Variants in ZSCAN5A observed in about 807,000 individuals in gnomAD.
ZSCAN5A encodes the protein zinc finger and SCAN domain containing 5A.
Under a neutral mutation model 23.7 loss-of-function variants are expected in ZSCAN5A, and 12 were observed. That is an observed-to-expected ratio of 0.51 (90% CI 0.32 to 0.82). The LOEUF (loss-of-function observed/expected upper bound fraction) is 0.82. Among genes scored for constraint, ZSCAN5A ranks in the 40% least tolerant of loss-of-function variants. The pLI, the probability that ZSCAN5A is intolerant of heterozygous loss-of-function variation, is 0.03. For missense variants in ZSCAN5A, 597 were observed against 617.9 expected (o/e 0.97, Z 0.36); for synonymous variants, 257 against 239.9 (o/e 1.07, Z -0.66).
chr19:56,306,113 T>C (rs973283030), intron 2 of ZSCAN5A, among the ~76,000 whole-genome samples: 1 of 152,002 alleles, frequency 6.6e-6, no homozygotes, highest in African/African-American at 2.4e-5. Flanking sequence ...AGGCTGTCAG[T>C]GAGAAAGAGA....
chr19:56,367,554 G>C (rs947264924), intron 1 of ZSCAN5A, among the ~76,000 whole-genome samples: 1 of 152,114 alleles, frequency 6.6e-6, no homozygotes, highest in African/African-American at 2.4e-5. Flanking sequence ...TCAAAACAAT[G>C]ACAAAGTAGA....
chr19:56,253,348 G>GA (rs1282036334), intron 2 of ZSCAN5A, among the ~76,000 whole-genome samples: 1 of 151,350 alleles, frequency 6.6e-6, no homozygotes, highest in Admixed American at 6.6e-5. Context: ...GAGGGGGAGA[G>GA]AAAAAAAGAT....
At chr19:56,254,652 T>TG (rs11396565) in intron 2 of ZSCAN5A, among the ~76,000 whole-genome samples, 47,358 of 151,610 alleles carry the variant, frequency 0.31, 8,266 homozygotes, top group Non-Finnish European at 0.4. Context: ...GTTTAATTTT[T>TG]GGGGGGGGCT....
chr19:56,345,315 A>C (rs2041624733), intron 2 of ZSCAN5A, among the ~76,000 whole-genome samples: 1 of 152,222 alleles, frequency 6.6e-6, no homozygotes, highest in African/African-American at 2.4e-5. Context: ...ATATATTTTC[A>C]TTAGTGAAAC....
intron 2 of ZSCAN5A, among the ~76,000 whole-genome samples, chr19:56,277,060 G>A (rs888162770): frequency 2.0e-5 from 3 of 152,270 alleles, no homozygotes; most frequent in African/African-American, 2.4e-5. Flanking sequence ...ACTAACTAAC[G>A]TGGAGAAATC....
rs186952453 is a variant in ZSCAN5A, at chr19:56,229,063, G to A, written c.-127-3890C>T. The stretch of plus-strand genomic sequence containing the variant: ...GCTCTCAAGCACGAAAAGCCTTAAC[G>A]GTGGGTGTGAATTTTACTGTGTGGA... On this transcript the variant is annotated intron_variant, in intron 2 of 5. Transcript: ENST00000683990. Among the ~76,000 whole-genome samples, 355 of 152,284 alleles carry A rather than the reference G, an allele frequency of 2.3e-3. 3 individuals carry two copies. Among genetic ancestry groups the A allele is most frequent in the African/African-American group, 8.1e-3 (338 of 41,550 alleles).
chr19:56,315,455 G>C (rs892975276), upstream of ZSCAN5A: 22 of 152,216 alleles, frequency 1.4e-4, no homozygotes, highest in African/African-American at 4.8e-4. Flanking sequence ...GGGAGATGAG[G>C]GCGACTCGCA....
intron 2 of ZSCAN5A, chr19:56,285,060 T>G (rs1211687477): frequency 1.3e-4 from 123 of 980,138 alleles, no homozygotes; most frequent in Non-Finnish European, 1.5e-4. Context: ...AACCTGGTCT[T>G]TCTCTTGTCC....
chr19:56,349,026 T>G (rs113279150), intron 2 of ZSCAN5A, among the ~76,000 whole-genome samples: 3 of 150,672 alleles, frequency 2.0e-5, no homozygotes, highest in African/African-American at 4.8e-5. Flanking sequence ...TTTGCCAGCC[T>G]CCAGCCAATG....
intron 2 of ZSCAN5A, chr19:56,347,818 TTAATAATA>T (rs1228939081): frequency 2.0e-5 from 3 of 152,370 alleles, no homozygotes; most frequent in Non-Finnish European, 4.4e-5. Flanking sequence ...ACTTCGGTCT[TTAATAATA>T]TGGACCAGGA....
upstream of ZSCAN5A, chr19:56,319,645 G>A: frequency 5.5e-6 from 3 of 543,942 alleles, no homozygotes; most frequent in Non-Finnish European, 9.9e-6. Context: ...TTAAGTAAAA[G>A]CAGATATGCT....
chr19:56,245,587 A>G (rs544029298), intron 2 of ZSCAN5A, among the ~76,000 whole-genome samples: 3 of 152,196 alleles, frequency 2.0e-5, no homozygotes, highest in East Asian at 1.9e-4. Flanking sequence ...ATCACAGAGA[A>G]TGAAGCCTCA....
chr19:56,285,339 T>C (rs980087722), intron 2 of ZSCAN5A, among the ~76,000 whole-genome samples: 2 of 152,186 alleles, frequency 1.3e-5, no homozygotes, highest in Non-Finnish European at 1.5e-5. Flanking sequence ...CCGGCTCTGC[T>C]CTCTAGAAGC....
At chr19:56,341,690 G>T (rs2041593153) in intron 2 of ZSCAN5A, among the ~76,000 whole-genome samples, 1 of 90,332 alleles carries the variant, frequency 1.1e-5, no homozygotes, top group Non-Finnish European at 2.1e-5. Context: ...TTCTAGGCAG[G>T]TTACCAAAAG....
chr19:56,237,461 G>A (rs1166373139), intron 2 of ZSCAN5A, among the ~76,000 whole-genome samples: 1 of 152,172 alleles, frequency 6.6e-6, no homozygotes, highest in African/African-American at 2.4e-5. Context: ...GAAGGTACGT[G>A]TTCAGGGCGG....
At chr19:56,255,418 G>A (rs917838551) in intron 2 of ZSCAN5A, among the ~76,000 whole-genome samples, 5 of 151,972 alleles carry the variant, frequency 3.3e-5, no homozygotes, top group Non-Finnish European at 7.4e-5. Flanking sequence ...AAAGTCTGCC[G>A]CCCGCTGCTG....
intron 2 of ZSCAN5A, among the ~76,000 whole-genome samples, chr19:56,300,891 A>G (rs1238033488): frequency 6.6e-6 from 1 of 152,208 alleles, no homozygotes; most frequent in Non-Finnish European, 1.5e-5. Context: ...ACACTCTTGC[A>G]CCTCATGAGG....
At chr19:56,258,180 C>T (rs1364423879) in intron 2 of ZSCAN5A, among the ~76,000 whole-genome samples, 2 of 152,252 alleles carry the variant, frequency 1.3e-5, no homozygotes, top group African/African-American at 4.8e-5. Flanking sequence ...TCAGCTCCCA[C>T]CCGCCTCTTG....
chr19:56,263,133 C>T (rs954620091), intron 2 of ZSCAN5A: 1 of 152,200 alleles, frequency 6.6e-6, no homozygotes, highest in African/African-American at 2.4e-5. Flanking sequence ...CCTCCAATGA[C>T]TTGGTAACAG....
Sources: gnomAD v4.1 joint callset for allele counts (sites outside exome capture counted in the v4.1 genomes callset) on GRCh38, gnomAD v4.1.1 for gene constraint, MANE v1.5 for transcripts, NCBI Gene and HGNC (gene_info 2026-07-23, HGNC 2026-07-21) for gene names.